UNC13A: variants seen among roughly 807,000 people sequenced by gnomAD.
The protein encoded by UNC13A is unc-13 homolog A, also known as protein unc-13 homolog A.
Under a neutral mutation model 219.7 loss-of-function variants are expected in UNC13A, and 61 were observed. That is an observed-to-expected ratio of 0.28 (90% CI 0.23 to 0.34). The LOEUF is 0.34. Among genes scored for constraint, UNC13A ranks in the 10% least tolerant of loss-of-function variants. The pLI is 1.00. For missense variants in UNC13A, 1,476 were observed against 2,270.3 expected, an observed-to-expected ratio of 0.65 and a Z score of 7.11; for synonymous variants, 920 against 884.6, an observed-to-expected ratio of 1.04 and a Z score of -0.71.
rs2076525089 is a variant in UNC13A at position 17,606,164 on chromosome 19, C to T, written c.5002G>A (p.Val1668Met). 6.3e-7 allele frequency: 1 copy of T among 1,574,902 alleles called. No homozygotes were observed. Among genetic ancestry groups the T allele is most frequent in the African/African-American group, 1.4e-5 (1 of 73,156 alleles). Residue 1668 changes from valine (V) to methionine (M), a missense_variant, in exon 44 of 44, where the codon GTG (valine) becomes ATG (methionine). Coordinates refer to ENST00000519716, the MANE Select transcript of UNC13A (RefSeq NM_001080421.3). ...RIHMDDTGLT[V>M]LRILSQRSND... Reference sequence around the variant, plus strand: ...CTGCGCTGCGAGAGGATTCGCAGCACCGTGAGGCCCGTGTCGTCCATGTGG... The same window carrying T: ...CTGCGCTGCGAGAGGATTCGCAGCATCGTGAGGCCCGTGTCGTCCATGTGG...
rs763355689 is a variant in UNC13A, at chr19:17,674,749, G to C, written c.60C>G (p.Phe20Leu). The part of the protein sequence containing the change: ...KAKFDGAQEK[F>L]NTYVTLKVQN... ...GCACTTTCAGGGTCACGTACGTGTT[G>C]AATTTCTCTGTGGCAGTGAGAGTAG... Residue 20 changes from phenylalanine (F) to leucine (L), a missense_variant, in exon 3 of 44, where the codon TTC (phenylalanine) becomes TTG (leucine). Coordinates refer to ENST00000519716, the MANE Select transcript of UNC13A (RefSeq NM_001080421.3). This position sits in a 1 kb window ranked among gnomAD's most constrained non-coding sequence, Gnocchi z 5.0. 6.2e-7 allele frequency: 1 copy of C among 1,613,778 alleles called. No individual in the cohort carries two copies. The highest frequency in any genetic ancestry group is 2.2e-5 in the East Asian group (1 of 44,896).
Position 17,636,690 on chromosome 19 carries a change from C to G in UNC13A, c.3082-533G>C, listed in dbSNP as rs74338206. 3.8e-3 allele frequency among the ~76,000 whole-genome samples: 578 copies of G among 152,240 alleles called. 2 individuals are homozygous for G. The highest frequency in any genetic ancestry group is 0.014 in the African/African-American group (569 of 41,532). The stretch of plus-strand genomic sequence containing the variant: ...TCGAACTCAACTCTACCCAAGTCAA[C>G]CCAATCCGATTCTACCTATCTAAAC... On this transcript the variant is annotated intron_variant, in intron 25 of 43. Coordinates refer to ENST00000519716, the MANE Select transcript of UNC13A (RefSeq NM_001080421.3).
chr19:17,632,675 C>T, intron 28 of UNC13A, 107 bp downstream of exon 28: 5 of 1,538,308 alleles, frequency 3.3e-6, no homozygotes, highest in Non-Finnish European at 2.7e-6. Context: ...CACCCATGCC[C>T]CTGATGCCCA....
intron 40 of UNC13A, 31 bp from the exon 41 acceptor site, chr19:17,617,880 A>C: frequency 6.2e-7 from 1 of 1,612,480 alleles, no homozygotes; most frequent in Non-Finnish European, 8.5e-7. Flanking sequence ...AGAGGTGAGG[A>C]TGGTGGGAAC....
Position 17,627,044 on chromosome 19 carries a change from T to G in UNC13A, c.3921-259A>C, listed in dbSNP as rs1433402178. The stretch of plus-strand genomic sequence containing the variant: ...CTGTCTCTACTAAAAATACAAAAAT[T>G]AGCTGGGTGTGGTGGCATGCACCTG... On this transcript the variant is annotated intron_variant, in intron 33 of 43. Coordinates refer to ENST00000519716, the MANE Select transcript of UNC13A (RefSeq NM_001080421.3). This position sits in a 1 kb window ranked among gnomAD's most constrained non-coding sequence, Gnocchi z 4.7. Among the ~76,000 whole-genome samples the G allele has an allele frequency of 6.6e-6, 1 of 151,920 alleles. No individual in the cohort carries two copies. The highest frequency in any genetic ancestry group is 1.5e-5 in the Non-Finnish European group (1 of 67,978).
At position 17,642,009 on chromosome 19, in the gene UNC13A, C is replaced by T. The variant is rs1046923633; in HGVS notation, c.2473-453G>A. 2.1e-5 allele frequency among the ~76,000 whole-genome samples: 3 copies of T among 141,400 alleles called. No individual in the cohort carries two copies. In the Admixed American group the frequency reaches 2.1e-4, roughly 10 times the overall value. The allele number at this position is 141,400 out of a possible 152,430, so 92.8% of individuals were successfully genotyped here. On this transcript the variant is annotated intron_variant, in intron 20 of 43. Coordinates refer to ENST00000519716, the MANE Select transcript of UNC13A (RefSeq NM_001080421.3). ...CCTTCCATTCATCCACCCACCCATT[C>T]ATCCATTTGTCCATCTGCCTATACA...
At chr19:17,668,332 G>C in intron 5 of UNC13A, 142 bp from the exon 6 acceptor site, 2 of 709,974 alleles carry the variant, frequency 2.8e-6, no homozygotes, top group African/African-American at 1.8e-5. Context: ...GTTGGTCTGC[G>C]GTCTCAGGAG....
chr19:17,648,901 G>C lies in UNC13A; in HGVS notation c.1596+11C>G. The C allele has an allele frequency of 6.3e-7, 1 of 1,584,662 alleles. No individual in the cohort carries two copies. The highest frequency in any genetic ancestry group is 8.6e-7 in the Non-Finnish European group (1 of 1,166,268). ...ATCCCTGACCCGGGGAAAAAGAGGT[G>C]CCCCACGCACCAGCTCCTCGTTGTT... is the stretch of plus-strand genomic sequence containing the variant. On this transcript the variant is annotated intron_variant, in intron 15 of 43. Coordinates refer to ENST00000519716, the MANE Select transcript of UNC13A (RefSeq NM_001080421.3).
rs1319748619 is a variant in UNC13A, at chr19:17,642,837, A to AC, written c.2472+7dup. The AC allele has an allele frequency of 6.2e-7, 1 of 1,600,046 alleles. No homozygotes were observed. The highest frequency in any genetic ancestry group is 8.5e-7 in the Non-Finnish European group (1 of 1,172,572). On this transcript the variant is annotated splice_region_variant and intron_variant, in intron 20 of 43. Transcript: ENST00000519716. The stretch of plus-strand genomic sequence containing the variant: ...GTGGCATGGGAGGGGCCGAGCAATG[A>AC]CCCTCACCTCATGCAGACAGGTGTA...
In UNC13A at chr19:17,656,316, C is replaced by T; in HGVS notation, c.850G>A (p.Glu284Lys). 4 of 1,555,890 alleles carry T rather than the reference C, an allele frequency of 2.6e-6. No homozygotes were observed. The highest frequency in any genetic ancestry group is 1.7e-4 in the Middle Eastern group (1 of 5,996). ...SQLSEDFDPDEHSLQGSDMED... is the reference protein window; with the variant it reads ...SQLSEDFDPDKHSLQGSDMED... ...ATGTCGGAGCCCTGCAGGCTGTGCTCGTCAGGGTCGAAGTCCTCGCTCAGC... is the reference window on the plus strand; with the variant it reads ...ATGTCGGAGCCCTGCAGGCTGTGCTTGTCAGGGTCGAAGTCCTCGCTCAGC... The change falls in exon 10 of 44, where the codon GAG becomes AAG. Residue 284 changes from glutamate to lysine, a missense_variant. Coordinates refer to ENST00000519716, the MANE Select transcript of UNC13A (RefSeq NM_001080421.3).
chr19:17,633,518 C>T (rs773787419), intron 26 of UNC13A, among the ~76,000 whole-genome samples: 4 of 152,116 alleles, frequency 2.6e-5, no homozygotes, highest in South Asian at 4.2e-4. Flanking sequence ...AACTGTCCAC[C>T]CATCCATGTA....
intron 8 of UNC13A, 78 bp downstream of exon 8, chr19:17,663,454 T>G (rs2079587841): frequency 2.6e-6 from 4 of 1,526,326 alleles, no homozygotes; most frequent in Admixed American, 1.8e-5. Flanking sequence ...TGTGTGGTAG[T>G]GGGGAGGGGC....
chr19:17,662,199 G>T (rs142225912), intron 8 of UNC13A, among the ~76,000 whole-genome samples: 1 of 151,434 alleles, frequency 6.6e-6, no homozygotes, highest in African/African-American at 2.4e-5. Flanking sequence ...GCGAGATTGC[G>T]CCACTGTACT....
Position 17,632,779 on chromosome 19 carries a change from T to C in UNC13A, c.3428+3A>G. On this transcript the variant is annotated splice_donor_region_variant and intron_variant, in intron 28 of 43. Transcript: ENST00000519716. ...TGGGTTGGGCCTGGGGCAGGGGACT[T>C]ACGCAGGGTACTCAGGCACGCGGTC... is the stretch of plus-strand genomic sequence containing the variant. The C allele has an allele frequency of 6.2e-7, 1 of 1,613,692 alleles. No homozygotes were observed. Among genetic ancestry groups the C allele is most frequent in the Non-Finnish European group, 8.5e-7 (1 of 1,179,876 alleles).
At chr19:17,609,842 C>A in intron 43 of UNC13A, 98 bp downstream of exon 43, 1 of 1,542,166 alleles carries the variant, frequency 6.5e-7, no homozygotes, top group South Asian at 1.2e-5. Flanking sequence ...CATTCCCGGG[C>A]CCAGATTCCA....
At chr19:17,628,303 ACTG>A in intron 31 of UNC13A, 1 of 227,342 alleles carries the variant, frequency 4.4e-6, no homozygotes, top group Admixed American at 5.5e-5. Context: ...ACAGTGACAC[ACTG>A]AAGGCGTGTG....
intron 34 of UNC13A, among the ~76,000 whole-genome samples, chr19:17,625,607 A>G (rs1400509477): frequency 1.3e-5 from 2 of 151,910 alleles, no homozygotes; most frequent in African/African-American, 4.8e-5. Flanking sequence ...CCATTTATCT[A>G]TCCATCCACC....
chr19:17,621,703 G>T (rs2144966929), intron 37 of UNC13A, 129 bp downstream of exon 37: 1 of 873,704 alleles, frequency 1.1e-6, no homozygotes, highest in Non-Finnish European at 1.9e-6. Context: ...GCAGGACTTG[G>T]TTAGGAGAGC....
At position 17,624,812 on chromosome 19, in the gene UNC13A, C is replaced by T. The variant is rs771347878; in HGVS notation, c.4197+17G>A. 3.7e-6 allele frequency: 6 copies of T among 1,606,062 alleles called. No individual in the cohort carries two copies. The highest frequency in any genetic ancestry group is 5.1e-6 in the Non-Finnish European group (6 of 1,175,410). ...GAGGTGGCCTAAATGTCCCCTCGGG[C>T]CCCCTGCAGGTCTCACCGTCTGGTC... On this transcript the variant is annotated intron_variant, in intron 35 of 43. Transcript: ENST00000519716.
Sources: gnomAD v4.1 joint callset for allele counts (sites outside exome capture counted in the v4.1 genomes callset) on GRCh38, gnomAD v4.1.1 for gene constraint, Gnocchi (gnomAD v3.1) non-coding constraint, MANE v1.5 for transcripts, NCBI Gene and HGNC (gene_info 2026-07-23, HGNC 2026-07-21) for gene names.